Variants in MIR2052HG observed in about 807,000 individuals in gnomAD.
MIR2052HG encodes the protein MIR2052 host gene.
intron 1 of MIR2052HG, among the ~76,000 whole-genome samples, chr8:74,601,098 G>T (rs979391700): frequency 5.3e-5 from 8 of 152,184 alleles, no homozygotes; most frequent in Non-Finnish European, 8.8e-5. Flanking sequence ...GAATTTTAAT[G>T]CAGTCAGGTT....
intron 2 of MIR2052HG, among the ~76,000 whole-genome samples, chr8:74,632,057 G>C (rs1236446010): frequency 1.3e-5 from 2 of 152,138 alleles, no homozygotes; most frequent in Non-Finnish European, 2.9e-5. Flanking sequence ...TTACTTAGGA[G>C]TATATCAAGC....
rs149833156 is a variant in MIR2052HG, at chr8:74,623,196, G to A, written n.216+10256G>A. On this transcript the variant is annotated intron_variant and non_coding_transcript_variant, in intron 2 of 6. Coordinates refer to ENST00000523442, the Ensembl canonical transcript of MIR2052HG. The stretch of plus-strand genomic sequence containing the variant: ...GTAGGTGATTGTTAGGTTAATTAGC[G>A]TGATTTAGCCATTCCACAATATATA... 5.5e-3 allele frequency among the ~76,000 whole-genome samples: 837 copies of A among 152,308 alleles called. 12 individuals carry two copies. The highest frequency in any genetic ancestry group is 0.018 in the African/African-American group (749 of 41,570).
intron 2 of MIR2052HG, among the ~76,000 whole-genome samples, chr8:74,684,371 C>T (rs1809157866): frequency 1.3e-5 from 2 of 151,994 alleles, no homozygotes; most frequent in South Asian, 4.1e-4. Flanking sequence ...TATGTATGGC[C>T]TTTACTTTAG....
intron 2 of MIR2052HG, among the ~76,000 whole-genome samples, chr8:74,647,125 C>G (rs1808697050): frequency 6.6e-6 from 1 of 152,056 alleles, no homozygotes; most frequent in Non-Finnish European, 1.5e-5. Flanking sequence ...TTGAAGGAAC[C>G]TGTTAGTCTT....
intron 2 of MIR2052HG, among the ~76,000 whole-genome samples, chr8:74,683,036 TTG>T (rs1445762191): frequency 3.3e-5 from 5 of 152,142 alleles, no homozygotes; most frequent in African/African-American, 1.2e-4. Flanking sequence ...CCATGCAATA[TTG>T]TGTTCAGATA....
At chr8:74,733,085 TA>T in intron 4 of MIR2052HG, among the ~76,000 whole-genome samples, 1 of 151,686 alleles carries the variant, frequency 6.6e-6, no homozygotes, top group Non-Finnish European at 1.5e-5. Flanking sequence ...TTTATTTATT[TA>T]TTTTATTATT....
At chr8:74,655,618 A>T (rs976566663) in intron 2 of MIR2052HG, among the ~76,000 whole-genome samples, 4 of 152,202 alleles carry the variant, frequency 2.6e-5, no homozygotes, top group African/African-American at 9.6e-5. Context: ...ATTTCAGAAG[A>T]TGTATGGAAA....
At chr8:74,722,739 G>A (rs1809592061) in intron 4 of MIR2052HG, among the ~76,000 whole-genome samples, 1 of 152,148 alleles carries the variant, frequency 6.6e-6, no homozygotes, top group Admixed American at 6.5e-5. Flanking sequence ...ATTCATGCTG[G>A]TCAATGGTTA....
intron 4 of MIR2052HG, among the ~76,000 whole-genome samples, chr8:74,707,587 T>TA (rs756134258): frequency 5.9e-5 from 9 of 152,088 alleles, no homozygotes; most frequent in Non-Finnish European, 1.3e-4. Context: ...ACTTTTTTTT[T>TA]AACTGCAACT....
At chr8:74,691,606 G>A (rs1464347226) in intron 2 of MIR2052HG, among the ~76,000 whole-genome samples, 1 of 152,172 alleles carries the variant, frequency 6.6e-6, no homozygotes, top group Non-Finnish European at 1.5e-5. Context: ...AATATGGTAG[G>A]TGGAAACCCA....
intron 4 of MIR2052HG, among the ~76,000 whole-genome samples, chr8:74,730,783 A>G (rs961897383): frequency 8.4e-6 from 1 of 119,688 alleles, no homozygotes; most frequent in Non-Finnish European, 1.7e-5. Context: ...TAACTGTTGA[A>G]GCAATTTTTA....
At chr8:74,756,984 A>G (rs748641103) in intron 5 of MIR2052HG, 1 of 152,242 alleles carries the variant, frequency 6.6e-6, no homozygotes, top group Non-Finnish European at 1.5e-5. Context: ...ACTCCCAAAT[A>G]TGTAGCATTT....
intron 1 of MIR2052HG, chr8:74,604,221 A>C: frequency 1.1e-6 from 1 of 899,456 alleles, no homozygotes; most frequent in Non-Finnish European, 1.9e-6. Context: ...TATTTAATCC[A>C]CCTTCAATCA....
chr8:74,699,280 G>A (rs768289560), intron 2 of MIR2052HG, among the ~76,000 whole-genome samples: 10 of 152,006 alleles, frequency 6.6e-5, no homozygotes, highest in Non-Finnish European at 1.3e-4. Context: ...AGAAAAAGAA[G>A]TCATCATACG....
intron 2 of MIR2052HG, among the ~76,000 whole-genome samples, chr8:74,660,467 C>T (rs28379641): frequency 0.11 from 16,707 of 152,136 alleles, 1,126 homozygotes; most frequent in African/African-American, 0.18. Flanking sequence ...GGTGGAAATT[C>T]GGGTGGTTCA....
intron 2 of MIR2052HG, among the ~76,000 whole-genome samples, chr8:74,654,858 G>A (rs1428160200): frequency 6.6e-6 from 1 of 152,162 alleles, no homozygotes; most frequent in Non-Finnish European, 1.5e-5. Context: ...AAGAAGACAG[G>A]AAAATGTGGG....
At chr8:74,602,520 C>CTTTT (rs1342781855) in intron 1 of MIR2052HG, among the ~76,000 whole-genome samples, 15 of 148,896 alleles carry the variant, frequency 1.0e-4, no homozygotes, top group African/African-American at 3.4e-4. Context: ...TTCTTTCTTT[C>CTTTT]TTTTTTTTTT....
At chr8:74,676,100 A>G (rs771218975) in intron 2 of MIR2052HG, among the ~76,000 whole-genome samples, 14 of 152,084 alleles carry the variant, frequency 9.2e-5, no homozygotes, top group Admixed American at 2.0e-4. Flanking sequence ...ATTACAAATT[A>G]GAATTGCAAA....
intron 2 of MIR2052HG, among the ~76,000 whole-genome samples, chr8:74,655,136 T>C (rs1808791545): frequency 6.6e-6 from 1 of 152,042 alleles, no homozygotes; most frequent in African/African-American, 2.4e-5. Context: ...ATTCAAGAGG[T>C]GACTTTGGTG....
Sources: allele counts gnomAD v4.1 joint callset (sites outside exome capture counted in the v4.1 genomes callset), GRCh38; gene constraint gnomAD v4.1.1; transcripts MANE v1.5; gene names NCBI Gene and HGNC (gene_info 2026-07-23, HGNC 2026-07-21).